OR56A3: variants seen among roughly 807,000 people sequenced by gnomAD.
The protein encoded by OR56A3 is olfactory receptor 56A3.
OR56A3 carries 23 observed loss-of-function variants against 17.5 expected under a neutral mutation model. That is an observed-to-expected ratio of 1.32 (90% confidence interval 0.95 to 1.87). The LOEUF (loss-of-function observed/expected upper bound fraction) is 1.87, where lower values mean the gene tolerates loss of function less well. Among genes scored for constraint, OR56A3 ranks in the 40% most tolerant of loss-of-function variants. The pLI, the probability that OR56A3 is intolerant of heterozygous loss-of-function variation, is 0.00. For synonymous variants in OR56A3, 175 were observed against 150.6 expected (o/e 1.16, Z -1.19); for missense variants, 366 against 380.1 (o/e 0.96, Z 0.31).
rs901048042 is a variant in OR56A3, at chr11:5,950,266, C to T, written c.*1972C>T. ...TCTACAGTAAGCTGTTAGAAGATAACCTTGGGTGCCAGGAAAAGGACATAT... is the reference window on the plus strand; with the variant it reads ...TCTACAGTAAGCTGTTAGAAGATAATCTTGGGTGCCAGGAAAAGGACATAT... On this transcript the variant is annotated 3_prime_UTR_variant, in exon 3 of 3. Transcript: ENST00000641160. The T allele has an allele frequency of 5.3e-5, 8 of 151,994 alleles. No individual in the cohort carries two copies. Among genetic ancestry groups the T allele is most frequent in the African/African-American group, 1.9e-4 (8 of 41,420 alleles). 9.4% of individuals were successfully genotyped at this position (151,994 alleles called of 1,614,324 possible). A position where few individuals can be genotyped will look rare whatever the true frequency, so the allele number is the denominator to read the frequency against.
chr11:5,953,317 G>T (rs1847917560), downstream of OR56A3, among the ~76,000 whole-genome samples: 1 of 151,974 alleles, frequency 6.6e-6, no homozygotes, highest in African/African-American at 2.4e-5. Context: ...AATACCTGTT[G>T]TTTTTTTGAC....
the OR56A3 span, chr11:5,986,362 G>A: frequency 1.2e-6 from 2 of 1,613,994 alleles, no homozygotes; most frequent in South Asian, 1.1e-5. Flanking sequence ...GCCTATGATG[G>A]TGGCTTGGCA....
At chr11:5,986,670 G>A in the OR56A3 span, 28 of 1,613,818 alleles carry the variant, frequency 1.7e-5, no homozygotes, top group East Asian at 2.2e-5. Context: ...GAACCAGGTC[G>A]ATGGCAGCTA....
At chr11:6,015,342 G>T in the OR56A3 span, among the ~76,000 whole-genome samples, 5 of 151,410 alleles carry the variant, frequency 3.3e-5, no homozygotes. Flanking sequence ...CATCCCAGCT[G>T]CTCTAGCTCC....
At chr11:6,016,076 G>A in the OR56A3 span, among the ~76,000 whole-genome samples, 4 of 152,266 alleles carry the variant, frequency 2.6e-5, no homozygotes, top group East Asian at 7.7e-4. Context: ...ATTGAATTAT[G>A]AGGGTGGTTT....
chr11:5,946,841 T>C (rs1371137115), intron 2 of OR56A3, among the ~76,000 whole-genome samples: 1 of 152,232 alleles, frequency 6.6e-6, no homozygotes, highest in Non-Finnish European at 1.5e-5. Flanking sequence ...AATAAGGATG[T>C]CATGGGGACA....
Position 5,949,992 on chromosome 11 carries a change from C to T in OR56A3, c.*1698C>T, listed in dbSNP as rs1363025630. On this transcript the variant is annotated 3_prime_UTR_variant, in exon 3 of 3. Coordinates refer to ENST00000641160, the MANE Select transcript of OR56A3 (RefSeq NM_001003443.3). ...AAGAAGGACTCTCTAAAATCTCATTCTCTCATACATTTCAACATAAGAAAA... is the reference window on the plus strand; with the variant it reads ...AAGAAGGACTCTCTAAAATCTCATTTTCTCATACATTTCAACATAAGAAAA... 1 of 152,104 alleles carries T rather than the reference C, an allele frequency of 6.6e-6. No homozygotes were observed. Among genetic ancestry groups the T allele is most frequent in the East Asian group, 1.9e-4 (1 of 5,198 alleles). 9.4% of individuals were successfully genotyped at this position (152,104 alleles called of 1,614,324 possible). A position where few individuals can be genotyped will look rare whatever the true frequency, so the allele number is the denominator to read the frequency against.
the OR56A3 span, among the ~76,000 whole-genome samples, chr11:5,996,951 T>C: frequency 0.11 from 16,497 of 152,224 alleles, 1,130 homozygotes; most frequent in East Asian, 0.29. Flanking sequence ...CAGGATGAGA[T>C]GGGAAGCCCA....
the OR56A3 span, among the ~76,000 whole-genome samples, chr11:6,004,012 A>C: frequency 6.6e-6 from 1 of 152,198 alleles, no homozygotes; most frequent in South Asian, 2.1e-4. Flanking sequence ...AAAGAGAAAG[A>C]GGCCAAATAC....
the OR56A3 span, among the ~76,000 whole-genome samples, chr11:5,996,838 C>A: frequency 6.6e-6 from 1 of 152,316 alleles, no homozygotes; most frequent in African/African-American, 2.4e-5. Context: ...TAAAAATTAA[C>A]CCCATGCCCA....
downstream of OR56A3, among the ~76,000 whole-genome samples, chr11:5,951,623 A>G (rs949327787): frequency 1.3e-5 from 2 of 152,318 alleles, no homozygotes; most frequent in Non-Finnish European, 2.9e-5. Context: ...AAGCAAGCAG[A>G]TATTTGAGAG....
chr11:5,981,108 G>A, the OR56A3 span, among the ~76,000 whole-genome samples: 1 of 152,084 alleles, frequency 6.6e-6, no homozygotes, highest in Non-Finnish European at 1.5e-5. Flanking sequence ...TTTATTTCAT[G>A]ACAACCTTGG....
At chr11:5,945,951 G>T (rs1299051346) in intron 2 of OR56A3, among the ~76,000 whole-genome samples, 5 of 152,226 alleles carry the variant, frequency 3.3e-5, no homozygotes, top group Admixed American at 6.5e-5. Context: ...AGGCTGAGAA[G>T]CGATAGAAAG....
chr11:5,994,719 G>A, the OR56A3 span: 9 of 823,888 alleles, frequency 1.1e-5, no homozygotes, highest in African/African-American at 3.3e-5. Context: ...AGAATGATGC[G>A]GGCATTGTCC....
chr11:5,985,920 A>T, the OR56A3 span: 1 of 1,575,120 alleles, frequency 6.3e-7, no homozygotes, highest in Admixed American at 1.8e-5. Flanking sequence ...CTCCGAAGGA[A>T]ACAATGAGAA....
At position 5,949,753 on chromosome 11, in the gene OR56A3, T is replaced by C. The variant is rs1406475064; in HGVS notation, c.*1459T>C. The C allele has an allele frequency of 6.6e-6, 1 of 152,208 alleles. No homozygotes were observed. Among genetic ancestry groups the C allele is most frequent in the Non-Finnish European group, 1.5e-5 (1 of 68,036 alleles). 9.4% of individuals were successfully genotyped at this position (152,208 alleles called of 1,614,324 possible). A position where few individuals can be genotyped will look rare whatever the true frequency, so the allele number is the denominator to read the frequency against. ...ATTCCGCAGAGCTCTCTCCGTTCAT[T>C]TCTCTTCTCCATCTTGCAAAAAAAA... On this transcript the variant is annotated 3_prime_UTR_variant, in exon 3 of 3. Coordinates refer to ENST00000641160, the MANE Select transcript of OR56A3 (RefSeq NM_001003443.3).
At chr11:5,987,117 TTTG>T in the OR56A3 span, 2 of 615,872 alleles carry the variant, frequency 3.2e-6, no homozygotes, top group Non-Finnish European at 5.7e-6. Flanking sequence ...CAAGCTTAGT[TTTG>T]TTTAGAGATA....
the OR56A3 span, among the ~76,000 whole-genome samples, chr11:5,995,414 C>T: frequency 6.6e-6 from 1 of 152,114 alleles, no homozygotes; most frequent in Non-Finnish European, 1.5e-5. Context: ...ACTAAACACA[C>T]CTCCTTTTAT....
chr11:6,011,883 C>A, the OR56A3 span, among the ~76,000 whole-genome samples: 1 of 152,198 alleles, frequency 6.6e-6, no homozygotes, highest in Non-Finnish European at 1.5e-5. Flanking sequence ...TGGGCACCAG[C>A]TCTCTATGTG....
Sources: allele counts gnomAD v4.1 joint callset (sites outside exome capture counted in the v4.1 genomes callset), GRCh38; gene constraint gnomAD v4.1.1; transcripts MANE v1.5; gene names NCBI Gene and HGNC (gene_info 2026-07-23, HGNC 2026-07-21).